The following UNC13D variants were observed in gnomAD, a reference collection of about 807,000 sequenced individuals.
UNC13D encodes protein unc-13 homolog D.
A neutral mutation model predicts 151.7 loss-of-function variants in UNC13D; 115 were observed. The observed-to-expected ratio is 0.76, with a 90% CI of 0.65 to 0.88. UNC13D has a LOEUF of 0.88. UNC13D is among the 40% of genes least tolerant of loss of function. UNC13D has a pLI of 0.00. For synonymous variants in UNC13D, 588 were observed against 612.2 expected (o/e 0.96, Z 0.58); for missense variants, 1,369 against 1,438.7 (o/e 0.95, Z 0.78).
chr17:75,831,339 G>A lies in UNC13D; in HGVS notation c.2457C>T (p.Thr819=). Residue 819 remains threonine (T), a synonymous_variant, in exon 26 of 32, where the codon ACC becomes ACT. Transcript: ENST00000207549. ...CTGTGAGTGTGTGGGTCCAGAGCAG[G>A]GTCAGGAGGCTGGGGCGGGGCCGGA... ...LVQENFSSLL[T]LLWTHTLTVL... is the part of the protein sequence containing the mutation. 6.2e-7 allele frequency: 1 copy of A among 1,604,534 alleles called. No homozygotes were observed. The highest frequency in any genetic ancestry group is 8.5e-7 in the Non-Finnish European group (1 of 1,179,854).
Position 75,830,143 on chromosome 17 carries a change from C to T in UNC13D, c.2839G>A (p.Asp947Asn), listed in dbSNP as rs778921171. 1.1e-4 allele frequency: 182 copies of T among 1,589,654 alleles called. No homozygotes were observed. Among genetic ancestry groups the T allele is most frequent in the Non-Finnish European group, 1.5e-4 (173 of 1,168,656 alleles). The change falls in exon 30 of 32, where the codon GAC becomes AAC. Residue 947 changes from aspartate to asparagine, a missense_variant. By Grantham distance (23) the Asp-to-Asn change is conservative. This residue lies in a region of UNC13D where 807 missense variants were observed against 795.5 expected (regional missense o/e 1.01). Transcript: ENST00000207549. ...LLPLDSNGSS[D>N]PFVQLTLEPR... is the part of the protein sequence containing the mutation. ...TCCAAGGTCAGCTGGACAAAGGGGT[C>T]GCTGGAGCCTGGTAAGTGGCCGGGG... is the stretch of plus-strand genomic sequence containing the variant.
intron 12 of UNC13D, 131 bp from the exon 13 acceptor site, chr17:75,837,049 A>G (rs2064914457): frequency 7.6e-6 from 4 of 522,960 alleles, no homozygotes; most frequent in East Asian, 8.0e-5. Flanking sequence ...TCAACAGGAC[A>G]TGCAGGATTG....
chr17:75,835,185 G>C lies in UNC13D; in HGVS notation c.1849-122C>G, dbSNP rs112344747. ...GGGCAGGGAGCTTCACAAGAGACAA[G>C]CACGGCTCCGCCCAGACCCCCAGGC... On this transcript the variant is annotated intron_variant, in intron 20 of 31. Transcript: ENST00000207549. 1.1e-5 allele frequency: 17 copies of C among 1,508,944 alleles called. No individual in the cohort carries two copies. In the African/African-American group the frequency reaches 1.9e-4, roughly 17 times the overall value. 93.5% of individuals were successfully genotyped at this position (1,508,944 alleles called of 1,614,324 possible). A position where few individuals can be genotyped will look rare whatever the true frequency, so the allele number is the denominator to read the frequency against.
chr17:75,838,314 G>A (rs1213166616), intron 12 of UNC13D, among the ~76,000 whole-genome samples: 2 of 151,844 alleles, frequency 1.3e-5, no homozygotes, highest in African/African-American at 2.4e-5. Flanking sequence ...CACCTCCCGG[G>A]TTCAAGTGAT....
intron 30 of UNC13D, among the ~76,000 whole-genome samples, chr17:75,829,301 A>T (rs911039692): frequency 1.3e-5 from 2 of 152,110 alleles, no homozygotes; most frequent in Admixed American, 1.3e-4. Context: ...AAGGGAAGCA[A>T]ACTTTTTTTT....
rs770661959 is a variant in UNC13D, at chr17:75,842,544, G to C, written c.458C>G (p.Ser153Cys). The C allele has an allele frequency of 6.2e-7, 1 of 1,612,430 alleles. No individual in the cohort carries two copies. Among genetic ancestry groups the C allele is most frequent in the South Asian group, 1.1e-5 (1 of 91,014 alleles). ...CACCACAGCCTTCTGCCGATGCCGG[G>C]ACCCGGGGCTGCCCCCTGGCACACC... Reference protein sequence around the residue: ...GVGVPGGSPGSRHRQKAVVRH... With the variant: ...GVGVPGGSPGCRHRQKAVVRH... The change falls in exon 6 of 32, where the codon TCC (serine) becomes TGC (cysteine). Residue 153 changes from serine (S) to cysteine (C), a missense_variant. Transcript: ENST00000207549.
rs532376208 is a variant in UNC13D at position 75,839,839 on chromosome 17, G to A, written c.1055C>T (p.Ala352Val). 11 of 1,613,630 alleles carry A rather than the reference G, an allele frequency of 6.8e-6. No homozygotes were observed. Among genetic ancestry groups the A allele is most frequent in the South Asian group, 4.4e-5 (4 of 91,084 alleles). The stretch of plus-strand genomic sequence containing the variant: ...GTTCTGCCCAGGGCTGTGTACTCAC[G>A]CCATGGACTGGTGGAAGTCGGATAG... ...KDLSDFHQSM[A>V]QWLAYSRLYQ... The change falls in exon 12 of 32, where the codon GCG (alanine) becomes GTG (valine). Residue 352 changes from alanine (A) to valine (V), a missense_variant and splice_region_variant. By Grantham distance (64) the Ala-to-Val change is moderately conservative. Transcript: ENST00000207549.
intron 20 of UNC13D, 143 bp from the exon 21 acceptor site, chr17:75,835,206 C>A: frequency 6.9e-7 from 1 of 1,457,960 alleles, no homozygotes. Flanking sequence ...CCCAGACCCC[C>A]AGGCTGCAGG....
chr17:75,843,853 A>C (rs2064966994), intron 1 of UNC13D: 2 of 1,371,806 alleles, frequency 1.5e-6, no homozygotes, highest in African/African-American at 2.9e-5. Context: ...AGCGGAGGTG[A>C]GGGGGGTGCC....
At chr17:75,839,969 A>G (rs1476046829) in intron 11 of UNC13D, 27 bp from the exon 12 acceptor site, 1 of 1,613,448 alleles carries the variant, frequency 6.2e-7, no homozygotes, top group Admixed American at 1.7e-5. Context: ...GAGGAGTGTC[A>G]GGACCTGAAG....
At chr17:75,843,099 G>A in intron 3 of UNC13D, 26 bp from the exon 4 acceptor site, 1 of 1,605,866 alleles carries the variant, frequency 6.2e-7, no homozygotes, top group Non-Finnish European at 8.5e-7. Context: ...GCGGGTGGGT[G>A]GCTGGGGGCA....
chr17:75,828,724 G>T, intron 31 of UNC13D, 63 bp downstream of exon 31: 1 of 1,428,574 alleles, frequency 7.0e-7, no homozygotes, highest in Non-Finnish European at 9.2e-7. Flanking sequence ...ACCTCTCTGG[G>T]GCCCCTGCCT....
At chr17:75,829,896 T>A (rs2062149253) in intron 30 of UNC13D, 132 bp downstream of exon 30, 1 of 1,398,248 alleles carries the variant, frequency 7.2e-7, no homozygotes, top group Non-Finnish European at 9.8e-7. Flanking sequence ...TTGTCCCAGA[T>A]GCCCCATCCC....
rs137882627 is a variant in UNC13D, at chr17:75,832,083, C to T, written c.2448-735G>A. 7.9e-3 allele frequency: 1,213 copies of T among 152,666 alleles called. 6 individuals carry two copies. The highest frequency in any genetic ancestry group is 0.014 in the Non-Finnish European group (951 of 68,262). The allele number at this position is 152,666 out of a possible 1,614,324, so 9.5% of individuals were successfully genotyped here. A position where few individuals can be genotyped will look rare whatever the true frequency, so the allele number is the denominator to read the frequency against. ...AGTGAGCTGAGATCGCGCCACTGCACTCCAGCCTGGGCGACAGAGCGAGAC... is the reference window on the plus strand; with the variant it reads ...AGTGAGCTGAGATCGCGCCACTGCATTCCAGCCTGGGCGACAGAGCGAGAC... On this transcript the variant is annotated intron_variant, in intron 25 of 31. Transcript: ENST00000207549. The surrounding 1 kb of genome is among the most constrained non-coding windows in gnomAD (Gnocchi z 4.3).
At chr17:75,834,050 G>A in intron 24 of UNC13D, 25 bp downstream of exon 24, 2 of 1,613,324 alleles carry the variant, frequency 1.2e-6, no homozygotes, top group South Asian at 1.1e-5. Flanking sequence ...GGTGGTGAAG[G>A]CCAGCAGGCA....
intron 2 of UNC13D, 100 bp from the exon 3 acceptor site, chr17:75,843,366 G>A (rs2064963316): frequency 6.4e-7 from 1 of 1,570,468 alleles, no homozygotes; most frequent in Non-Finnish European, 8.6e-7. Flanking sequence ...AGCGGAGGGA[G>A]TTGAGACCCA....
rs1399841268 is a variant in UNC13D at position 75,836,383 on chromosome 17, G to A, written c.1345C>T (p.Pro449Ser). Residue 449 changes from proline to serine, a missense_variant, in exon 15 of 32, where the codon CCC (proline) becomes TCC (serine). Physicochemically the swap from Pro to Ser is moderately conservative, Grantham distance 74 (BLOSUM62 -1). Around this residue, in one of 3 missense-constraint regions of UNC13D, gnomAD observed 550 missense variants for 609.0 expected, o/e 0.90. Coordinates refer to ENST00000207549, the MANE Select transcript of UNC13D (RefSeq NM_199242.3). ...AGCTGGGGCAATGGGGCGGTGTTGG[G>A]GCACAGTTCTCCAAAGGCCTTCATC... ...CKMKAFGELCPNTAPLPQLVT... is the reference protein window; with the variant it reads ...CKMKAFGELCSNTAPLPQLVT... The A allele has an allele frequency of 6.2e-7, 1 of 1,613,846 alleles. No homozygotes were observed. The highest frequency in any genetic ancestry group is 8.5e-7 in the Non-Finnish European group (1 of 1,180,026).
chr17:75,827,304 G>A lies in UNC13D; in HGVS notation c.*661C>T. ...AGGTGGCAGGTGCTGTCCGGGGAGG[G>A]GGCGTGCGCAGCAGACACAGCAGCC... On this transcript the variant is annotated 3_prime_UTR_variant, in exon 32 of 32. Coordinates refer to ENST00000207549, the MANE Select transcript of UNC13D (RefSeq NM_199242.3). The A allele has an allele frequency of 1.6e-6, 1 of 625,888 alleles. No individual in the cohort carries two copies. Among genetic ancestry groups the A allele is most frequent in the Non-Finnish European group, 2.4e-6 (1 of 414,258 alleles). 38.8% of individuals were successfully genotyped at this position (625,888 alleles called of 1,614,324 possible).
chr17:75,832,131 T>A lies in UNC13D; in HGVS notation c.2448-783A>T, dbSNP rs566239098. The A allele has an allele frequency of 1.3e-5, 2 of 152,174 alleles. No individual in the cohort carries two copies. The highest frequency in any genetic ancestry group is 2.1e-4 in the South Asian group (1 of 4,814). The allele number at this position is 152,174 out of a possible 1,614,324, so 9.4% of individuals were successfully genotyped here. ...GACTCCGTCTCAAAAAAATAAAAAA[T>A]ATATATACATGGTTTAAGAAATAAA... On this transcript the variant is annotated intron_variant, in intron 25 of 31. Transcript: ENST00000207549. This position sits in a 1 kb window ranked among gnomAD's most constrained non-coding sequence, Gnocchi z 4.3.
Sources: gnomAD v4.1 joint callset for allele counts (sites outside exome capture counted in the v4.1 genomes callset) on GRCh38, gnomAD v4.1.1 for gene constraint, gnomAD v4.1.1 regional missense constraint, Gnocchi (gnomAD v3.1) non-coding constraint, MANE v1.5 for transcripts, NCBI Gene and HGNC (gene_info 2026-07-23, HGNC 2026-07-21) for gene names.